The following NRG1 variants were observed in gnomAD, a reference collection of about 807,000 sequenced individuals.
The protein encoded by NRG1 is neuregulin 1, also known as pro-neuregulin-1, membrane-bound isoform.
A neutral mutation model predicts 63.8 loss-of-function variants in NRG1; 18 were observed. That is an observed-to-expected ratio of 0.28 (90% confidence interval 0.19 to 0.42). The LOEUF is 0.42. NRG1 is among the 10% of genes least tolerant of loss of function. The probability of loss-of-function intolerance (pLI) is 1.00; values close to 1 mark genes in which losing one functional copy is unlikely to be tolerated. For missense variants in NRG1, 762 were observed against 814.7 expected, an observed-to-expected ratio of 0.94 and a Z score of 0.79; for synonymous variants, 302 against 301.3, an observed-to-expected ratio of 1.00 and a Z score of -0.02.
intron 1 of NRG1, among the ~76,000 whole-genome samples, chr8:31,913,292 C>A (rs1213994543): frequency 6.6e-6 from 1 of 152,078 alleles, no homozygotes; most frequent in Non-Finnish European, 1.5e-5. Context: ...GTGCTCTTCC[C>A]TCTTTATTGA....
At chr8:31,983,327 A>T (rs1809488524) in intron 1 of NRG1, among the ~76,000 whole-genome samples, 1 of 152,048 alleles carries the variant, frequency 6.6e-6, no homozygotes, top group Admixed American at 6.6e-5. Flanking sequence ...GCATGGTAAA[A>T]GTGCAGTCCA....
chr8:32,108,223 A>C (rs1054739757), intron 1 of NRG1, among the ~76,000 whole-genome samples: 2 of 152,152 alleles, frequency 1.3e-5, no homozygotes. Context: ...GGTAGAATTA[A>C]AGTTACTATT....
intron 5 of NRG1, among the ~76,000 whole-genome samples, chr8:32,620,521 GAA>G (rs57462564): frequency 0.043 from 5,203 of 122,206 alleles, 274 homozygotes; most frequent in African/African-American, 0.14. Context: ...TGGATTAGAA[GAA>G]AAAAAAAAAA....
chr8:32,421,237 A>AG (rs1295766019), intron 1 of NRG1, among the ~76,000 whole-genome samples: 1 of 152,112 alleles, frequency 6.6e-6, no homozygotes, highest in Non-Finnish European at 1.5e-5. Flanking sequence ...ATTGAGAGAG[A>AG]GGGAAAAAGG....
chr8:32,165,126 A>C (rs1839262159), intron 1 of NRG1, among the ~76,000 whole-genome samples: 1 of 151,988 alleles, frequency 6.6e-6, no homozygotes, highest in Admixed American at 6.6e-5. Flanking sequence ...TCACACATGT[A>C]AGATATTGCC....
intron 1 of NRG1, among the ~76,000 whole-genome samples, chr8:31,847,474 C>T (rs911298594): frequency 6.6e-6 from 1 of 152,194 alleles, no homozygotes. Flanking sequence ...TTACAGCCTA[C>T]AACTACAGAG....
intron 1 of NRG1, among the ~76,000 whole-genome samples, chr8:32,248,585 T>C (rs1848802824): frequency 6.6e-6 from 1 of 152,066 alleles, no homozygotes; most frequent in Admixed American, 6.6e-5. Flanking sequence ...TTAGCTTCAA[T>C]CCAAGGTTTT....
At chr8:32,173,470 G>A (rs537211968) in intron 1 of NRG1, among the ~76,000 whole-genome samples, 248 of 152,238 alleles carry the variant, frequency 1.6e-3, no homozygotes, top group African/African-American at 5.8e-3. Context: ...ATAATGACAG[G>A]ATCAAATTCA....
chr8:32,613,178 C>A (rs1435224162), intron 3 of NRG1, among the ~76,000 whole-genome samples: 1 of 152,004 alleles, frequency 6.6e-6, no homozygotes, highest in Non-Finnish European at 1.5e-5. Context: ...ACGTAGGCAA[C>A]TTTGATGTAT....
At chr8:31,983,650 G>C (rs1392992863) in intron 1 of NRG1, among the ~76,000 whole-genome samples, 1 of 152,026 alleles carries the variant, frequency 6.6e-6, no homozygotes, top group African/African-American at 2.4e-5. Context: ...ATACTGGGCT[G>C]ACAAAGGTGA....
chr8:31,840,561 CTAGT>C (rs1826102960), intron 1 of NRG1, among the ~76,000 whole-genome samples: 1 of 152,096 alleles, frequency 6.6e-6, no homozygotes, highest in Non-Finnish European at 1.5e-5. Context: ...TTACCTCGCA[CTAGT>C]TAGTTATGCG....
At chr8:31,864,392 A>G (rs2129610794) in intron 1 of NRG1, among the ~76,000 whole-genome samples, 1 of 152,264 alleles carries the variant, frequency 6.6e-6, no homozygotes, top group South Asian at 2.1e-4. Context: ...ATGGCAGCCA[A>G]CTGATGTGAA....
intron 1 of NRG1, among the ~76,000 whole-genome samples, chr8:32,244,201 G>A (rs1046246160): frequency 8.5e-5 from 13 of 152,208 alleles, no homozygotes; most frequent in South Asian, 4.1e-4. Context: ...ATTGAAAAAC[G>A]TAGACTTGCT....
chr8:31,712,980 T>C (rs1220771949), intron 1 of NRG1, among the ~76,000 whole-genome samples: 1 of 86,838 alleles, frequency 1.2e-5, no homozygotes, highest in African/African-American at 4.2e-5. Context: ...TGTCCATCCA[T>C]CCACCCATCC....
At chr8:32,286,389 A>G (rs185291938) in intron 1 of NRG1, among the ~76,000 whole-genome samples, 26 of 152,296 alleles carry the variant, frequency 1.7e-4, no homozygotes, top group Admixed American at 1.1e-3. Context: ...CCTCACTCCT[A>G]TGTTTTCCCA....
intron 1 of NRG1, among the ~76,000 whole-genome samples, chr8:32,255,511 A>G (rs953786071): frequency 2.6e-5 from 4 of 152,192 alleles, no homozygotes; most frequent in Admixed American, 2.6e-4. Context: ...AGAGTGTTGA[A>G]TATTGGCCCC....
At chr8:32,555,073 A>G (rs1834867790) in intron 1 of NRG1, among the ~76,000 whole-genome samples, 1 of 152,166 alleles carries the variant, frequency 6.6e-6, no homozygotes, top group Non-Finnish European at 1.5e-5. Context: ...CTAAATTAGA[A>G]TATTTTAAAA....
At chr8:31,925,835 TTATC>T (rs1325734619) in intron 1 of NRG1, among the ~76,000 whole-genome samples, 2 of 152,222 alleles carry the variant, frequency 1.3e-5, no homozygotes, top group Non-Finnish European at 2.9e-5. Flanking sequence ...ACTGGTAAAA[TTATC>T]TGTCTGGTCA....
intron 1 of NRG1, among the ~76,000 whole-genome samples, chr8:31,684,035 T>C (rs1808615222): frequency 6.6e-6 from 1 of 152,190 alleles, no homozygotes; most frequent in Non-Finnish European, 1.5e-5. Context: ...TTCTGATCTG[T>C]CTTTAACTTT....
Sources: allele counts gnomAD v4.1 joint callset (sites outside exome capture counted in the v4.1 genomes callset), GRCh38; gene constraint gnomAD v4.1.1; transcripts MANE v1.5; gene names NCBI Gene and HGNC (gene_info 2026-07-23, HGNC 2026-07-21).